CSMD3: variants seen among roughly 807,000 people sequenced by gnomAD.
The protein encoded by CSMD3 is CUB and sushi domain-containing protein 3.
In CSMD3, 177 loss-of-function variants were observed where a neutral mutation model predicts 435.2. That is an observed-to-expected ratio of 0.41 (90% CI 0.36 to 0.46). The LOEUF (loss-of-function observed/expected upper bound fraction) is 0.46, where lower values mean the gene tolerates loss of function less well. Ranked by LOEUF, CSMD3 falls within the 20% of genes least tolerant of loss-of-function variation. CSMD3 has a pLI of 0.34. For synonymous variants in CSMD3, 1,656 were observed against 1,520.5 expected, an observed-to-expected ratio of 1.09 and a Z score of -2.07; for missense variants, 4,265 against 4,504.6, an observed-to-expected ratio of 0.95 and a Z score of 1.52.
intron 11 of CSMD3, among the ~76,000 whole-genome samples, chr8:112,847,434 T>C (rs537627165): frequency 5.6e-4 from 86 of 152,262 alleles, no homozygotes; most frequent in African/African-American, 1.9e-3. Context: ...CTATCAGGTG[T>C]AATTTACACT....
intron 12 of CSMD3, among the ~76,000 whole-genome samples, chr8:112,809,329 A>C (rs2079165907): frequency 6.6e-6 from 1 of 152,190 alleles, no homozygotes; most frequent in Admixed American, 6.5e-5. Flanking sequence ...AGAAGGATCA[A>C]GTGCTCTTGA....
At position 112,352,519 on chromosome 8, in the gene CSMD3, G is replaced by A. The variant is rs1390174465; in HGVS notation, c.6152C>T (p.Ser2051Phe). Residue 2051 changes from serine to phenylalanine, a missense_variant, in exon 39 of 71, where the codon TCC (serine) becomes TTC (phenylalanine). Physicochemically the swap from Ser to Phe is radical, Grantham distance 155. Coordinates refer to ENST00000297405, the MANE Select transcript of CSMD3 (RefSeq NM_198123.2). ...HLEYTAIGLD[S>F]CPEPQTPSSG... ...GCTAGGAGTTTGTGGTTCAGGACAGGAATCCAAACCAATTGCTAAGAATAT... is the reference window on the plus strand; with the variant it reads ...GCTAGGAGTTTGTGGTTCAGGACAGAAATCCAAACCAATTGCTAAGAATAT... 3 of 1,612,742 alleles carry A rather than the reference G, an allele frequency of 1.9e-6. No individual in the cohort carries two copies. The highest frequency in any genetic ancestry group is 3.3e-4 in the Middle Eastern group (2 of 6,044).
At chr8:112,469,430 T>G (rs1050640836) in intron 32 of CSMD3, among the ~76,000 whole-genome samples, 1 of 152,152 alleles carries the variant, frequency 6.6e-6, no homozygotes, top group African/African-American at 2.4e-5. Flanking sequence ...CTATGTAAAA[T>G]GCAATCCAAT....
At chr8:112,878,584 A>T (rs532763740) in intron 10 of CSMD3, among the ~76,000 whole-genome samples, 12 of 152,304 alleles carry the variant, frequency 7.9e-5, no homozygotes, top group Non-Finnish European at 1.6e-4. Context: ...CCAAGGGATT[A>T]TAAATCATTC....
chr8:112,531,541 G>A (rs1825539207), intron 27 of CSMD3, among the ~76,000 whole-genome samples: 1 of 152,068 alleles, frequency 6.6e-6, no homozygotes, highest in Non-Finnish European at 1.5e-5. Context: ...AGACGAAAGT[G>A]AGTGAAGGAT....
At chr8:113,059,043 A>C (rs1231414045) in intron 5 of CSMD3, among the ~76,000 whole-genome samples, 3 of 152,142 alleles carry the variant, frequency 2.0e-5, no homozygotes, top group Non-Finnish European at 4.4e-5. Flanking sequence ...TAAATTACAT[A>C]AAGTAACATT....
intron 3 of CSMD3, among the ~76,000 whole-genome samples, chr8:113,220,678 G>T (rs1392393145): frequency 6.6e-6 from 1 of 151,348 alleles, no homozygotes; most frequent in Non-Finnish European, 1.5e-5. Context: ...ATTATCAGTG[G>T]ATTGGAAATC....
At chr8:113,060,685 A>G (rs2088574767) in intron 5 of CSMD3, among the ~76,000 whole-genome samples, 1 of 152,126 alleles carries the variant, frequency 6.6e-6, no homozygotes, top group Non-Finnish European at 1.5e-5. Context: ...CATATTATGC[A>G]TTTGGATTTT....
intron 6 of CSMD3, among the ~76,000 whole-genome samples, chr8:112,991,146 C>A (rs1220847542): frequency 6.6e-6 from 1 of 151,262 alleles, no homozygotes; most frequent in Non-Finnish European, 1.5e-5. Flanking sequence ...CATTTATTTT[C>A]AAAATGATAT....
chr8:113,363,629 C>T (rs2094292324), intron 1 of CSMD3, among the ~76,000 whole-genome samples: 1 of 152,128 alleles, frequency 6.6e-6, no homozygotes, highest in Non-Finnish European at 1.5e-5. Context: ...TTTCCATTTT[C>T]ACATCACCTT....
At chr8:112,816,342 G>A (rs2079374630) in intron 12 of CSMD3, among the ~76,000 whole-genome samples, 1 of 152,086 alleles carries the variant, frequency 6.6e-6, no homozygotes, top group South Asian at 2.1e-4. Context: ...GTGCAAGATA[G>A]AGAAAACGGC....
Position 112,244,587 on chromosome 8 carries a change from A to C in CSMD3, c.10223-14T>G. On this transcript the variant is annotated splice_polypyrimidine_tract_variant and intron_variant, in intron 64 of 70. Transcript: ENST00000297405. ...TACAGCTGTGGGCTATATTAAGAAAAGAGAACAATGTAAATTTTCTATAGA... is the reference window on the plus strand; with the variant it reads ...TACAGCTGTGGGCTATATTAAGAAACGAGAACAATGTAAATTTTCTATAGA... The C allele has an allele frequency of 6.2e-7, 1 of 1,612,234 alleles. No individual in the cohort carries two copies. Among genetic ancestry groups the C allele is most frequent in the Non-Finnish European group, 8.5e-7 (1 of 1,178,444 alleles).
chr8:112,742,695 GA>G (rs1462005352), intron 13 of CSMD3, among the ~76,000 whole-genome samples: 1 of 151,284 alleles, frequency 6.6e-6, no homozygotes, highest in Non-Finnish European at 1.5e-5. Context: ...CTCGATGATT[GA>G]AAAAAAATAT....
chr8:112,686,372 A>G (rs2076010796), intron 14 of CSMD3, among the ~76,000 whole-genome samples: 1 of 152,228 alleles, frequency 6.6e-6, no homozygotes, highest in African/African-American at 2.4e-5. Flanking sequence ...GAAAGTTCAC[A>G]TAGAACATTT....
intron 5 of CSMD3, 136 bp downstream of exon 5, chr8:113,098,620 T>G (rs2090236821): frequency 3.0e-6 from 2 of 661,838 alleles, no homozygotes; most frequent in South Asian, 3.5e-5. Context: ...CCTTCAGCTC[T>G]GACAACCTCT....
At chr8:112,866,704 A>C (rs910707571) in intron 10 of CSMD3, among the ~76,000 whole-genome samples, 4 of 152,254 alleles carry the variant, frequency 2.6e-5, no homozygotes, top group East Asian at 3.9e-4. Context: ...AGGATGAATA[A>C]TCATAGTGTC....
intron 59 of CSMD3, among the ~76,000 whole-genome samples, chr8:112,275,381 C>T (rs1006540949): frequency 6.6e-6 from 1 of 151,944 alleles, no homozygotes; most frequent in Admixed American, 6.6e-5. Context: ...AACCCTGTCT[C>T]TACTAAAAAT....
chr8:112,802,514 T>C (rs2078983086), intron 12 of CSMD3, among the ~76,000 whole-genome samples: 1 of 152,100 alleles, frequency 6.6e-6, no homozygotes, highest in African/African-American at 2.4e-5. Flanking sequence ...ATATTATTTC[T>C]CTTTTTTGCA....
chr8:113,226,266 A>C (rs2132160364), intron 3 of CSMD3, among the ~76,000 whole-genome samples: 1 of 151,726 alleles, frequency 6.6e-6, no homozygotes, highest in East Asian at 1.9e-4. Flanking sequence ...AATGTGATGT[A>C]AATAAATCTT....
Sources: gnomAD v4.1 joint callset for allele counts (sites outside exome capture counted in the v4.1 genomes callset) on GRCh38, gnomAD v4.1.1 for gene constraint, MANE v1.5 for transcripts, NCBI Gene and HGNC (gene_info 2026-07-23, HGNC 2026-07-21) for gene names.